NFATC3: variants seen among roughly 807,000 people sequenced by gnomAD.
The protein encoded by NFATC3 is nuclear factor of activated T cells 3, also known as nuclear factor of activated T-cells, cytoplasmic 3.
In NFATC3, 46 loss-of-function variants were observed where a neutral mutation model predicts 98.6. The ratio of observed to expected loss-of-function variants is 0.47; its 90% confidence interval spans 0.37 to 0.60. The LOEUF is 0.60. Among genes scored for constraint, NFATC3 ranks in the 20% least tolerant of loss-of-function variants. NFATC3 has a pLI of 0.00. For synonymous variants in NFATC3, 512 were observed against 472.2 expected (o/e 1.08, Z -1.09); for missense variants, 1,256 against 1,295.5 (o/e 0.97, Z 0.47).
At chr16:68,104,340 A>C (rs899202462) in intron 1 of NFATC3, among the ~76,000 whole-genome samples, 1 of 152,130 alleles carries the variant, frequency 6.6e-6, no homozygotes, top group Non-Finnish European at 1.5e-5. Context: ...TATTGCTTGT[A>C]TATAGAAACA....
intron 1 of NFATC3, among the ~76,000 whole-genome samples, chr16:68,090,307 C>G (rs1458600904): frequency 2.3e-5 from 2 of 87,962 alleles, no homozygotes; most frequent in East Asian, 8.7e-4. Flanking sequence ...CCCCCCCCCC[C>G]AACATTTCTT....
chr16:68,148,838 C>T (rs2038171645), intron 3 of NFATC3, among the ~76,000 whole-genome samples: 1 of 152,030 alleles, frequency 6.6e-6, no homozygotes, highest in African/African-American at 2.4e-5. Flanking sequence ...GAAACCCTGT[C>T]TCTACTAAAA....
At chr16:68,226,184 G>T in intron 9 of NFATC3, 166 bp from the exon 10 acceptor site, 1 of 716,838 alleles carries the variant, frequency 1.4e-6, no homozygotes, top group Non-Finnish European at 2.1e-6. Context: ...GTGGAGCGAT[G>T]TTTCCATCTC....
intron 4 of NFATC3, among the ~76,000 whole-genome samples, chr16:68,164,373 AG>A (rs2039083549): frequency 1.3e-5 from 2 of 152,208 alleles, no homozygotes; most frequent in South Asian, 4.2e-4. Flanking sequence ...TATCAGAGGG[AG>A]ACCGTGGAAA....
intron 1 of NFATC3, among the ~76,000 whole-genome samples, chr16:68,113,913 T>C (rs890463180): frequency 6.6e-6 from 1 of 152,186 alleles, no homozygotes; most frequent in Non-Finnish European, 1.5e-5. Flanking sequence ...AACCGCCAAG[T>C]TTCCCCAACA....
intron 1 of NFATC3, among the ~76,000 whole-genome samples, chr16:68,099,470 GGGTGCCT>G (rs971370186): frequency 5.9e-5 from 9 of 151,816 alleles, no homozygotes; most frequent in African/African-American, 2.2e-4. Context: ...GCATGGTGGT[GGGTGCCT>G]GTAATCTCAG....
intron 1 of NFATC3, among the ~76,000 whole-genome samples, chr16:68,100,057 C>A (rs2151459369): frequency 6.6e-6 from 1 of 152,226 alleles, no homozygotes; most frequent in South Asian, 2.1e-4. Context: ...ATAGTTTGTT[C>A]TGTTTTATTG....
At chr16:68,109,818 C>T (rs1274722137) in intron 1 of NFATC3, among the ~76,000 whole-genome samples, 1 of 151,886 alleles carries the variant, frequency 6.6e-6, no homozygotes, top group African/African-American at 2.4e-5. Context: ...TGTATGTGTC[C>T]AGGAATTTAT....
chr16:68,219,112 G>A (rs957304837), intron 9 of NFATC3, among the ~76,000 whole-genome samples: 3 of 149,954 alleles, frequency 2.0e-5, no homozygotes, highest in Non-Finnish European at 4.4e-5. Context: ...TGGACCAGGC[G>A]CGGTGGCTCA....
intron 1 of NFATC3, among the ~76,000 whole-genome samples, chr16:68,090,071 C>A (rs2151438754): frequency 6.6e-6 from 1 of 152,172 alleles, no homozygotes; most frequent in Non-Finnish European, 1.5e-5. Context: ...TAGAAATTGT[C>A]TTAGAATTTA....
intron 1 of NFATC3, among the ~76,000 whole-genome samples, chr16:68,102,102 T>C (rs1008592548): frequency 1.3e-5 from 2 of 152,086 alleles, no homozygotes; most frequent in African/African-American, 4.8e-5. Flanking sequence ...CCAGGCGCAG[T>C]GGCTCACGCC....
At position 68,085,646 on chromosome 16, in the gene NFATC3, G is replaced by GC; in HGVS notation, c.-34dup. 1 of 1,474,552 alleles carries GC rather than the reference G, an allele frequency of 6.8e-7. No homozygotes were observed. Among genetic ancestry groups the GC allele is most frequent in the Non-Finnish European group, 9.0e-7 (1 of 1,113,114 alleles). 91.3% of individuals were successfully genotyped at this position (1,474,552 alleles called of 1,614,324 possible). ...GCCGCTTGCCGCTGCCGCCGCCGCC[G>GC]CCTGAGGAGGAGCTGCAGCACCCTG... On this transcript the variant is annotated 5_prime_UTR_variant, in exon 1 of 10. Transcript: ENST00000346183.
intron 3 of NFATC3, among the ~76,000 whole-genome samples, chr16:68,133,998 G>T (rs1312958389): frequency 6.6e-6 from 1 of 152,016 alleles, no homozygotes; most frequent in African/African-American, 2.4e-5. Context: ...CTCCCAATCA[G>T]CCATATATAA....
At chr16:68,134,095 T>A (rs1382799811) in intron 3 of NFATC3, among the ~76,000 whole-genome samples, 1 of 152,234 alleles carries the variant, frequency 6.6e-6, no homozygotes, top group African/African-American at 2.4e-5. Context: ...TAATGGTATC[T>A]GGCTGTGGTT....
chr16:68,203,421 C>G (rs970563277), intron 9 of NFATC3, among the ~76,000 whole-genome samples: 1 of 151,784 alleles, frequency 6.6e-6, no homozygotes, highest in Admixed American at 6.6e-5. Context: ...CGCTTGAGCT[C>G]GGGAGTTTGA....
At chr16:68,181,959 A>AATATTTACCT (rs1200949817) in intron 7 of NFATC3, among the ~76,000 whole-genome samples, 3 of 152,136 alleles carry the variant, frequency 2.0e-5, no homozygotes, top group African/African-American at 7.2e-5. Flanking sequence ...TTGGAAGTAA[A>AATATTTACCT]ATATTTACCT....
At chr16:68,131,368 T>C (rs561943979) in intron 3 of NFATC3, among the ~76,000 whole-genome samples, 12 of 152,194 alleles carry the variant, frequency 7.9e-5, no homozygotes, top group Admixed American at 1.3e-4. Flanking sequence ...GCCTCTGCCT[T>C]CCGGGTTCAG....
At chr16:68,115,987 C>T (rs553280815) in intron 1 of NFATC3, among the ~76,000 whole-genome samples, 66 of 152,172 alleles carry the variant, frequency 4.3e-4, no homozygotes, top group African/African-American at 1.5e-3. Flanking sequence ...CTCATTAGAA[C>T]TTTGTCACTG....
intron 4 of NFATC3, among the ~76,000 whole-genome samples, chr16:68,158,918 A>C (rs1040036226): frequency 1.3e-5 from 2 of 152,226 alleles, no homozygotes; most frequent in African/African-American, 4.8e-5. Flanking sequence ...TATGTTTACC[A>C]GAACACATTG....
Sources: allele counts gnomAD v4.1 joint callset (sites outside exome capture counted in the v4.1 genomes callset), GRCh38; gene constraint gnomAD v4.1.1; transcripts MANE v1.5; gene names NCBI Gene and HGNC (gene_info 2026-07-23, HGNC 2026-07-21).